POGZ: variants seen among roughly 807,000 people sequenced by gnomAD.
POGZ encodes the protein pogo transposable element with ZNF domain.
In POGZ, 17 loss-of-function variants were observed where a neutral mutation model predicts 134.6. The observed-to-expected ratio is 0.13, with a 90% CI of 0.09 to 0.19. The LOEUF is 0.19. Ranked by LOEUF, POGZ falls within the 10% of genes least tolerant of loss-of-function variation. The probability of loss-of-function intolerance (pLI) is 1.00; values close to 1 mark genes in which losing one functional copy is unlikely to be tolerated. For missense variants in POGZ, 1,306 were observed against 1,769.7 expected (o/e 0.74, Z 4.70); for synonymous variants, 693 against 657.1 (o/e 1.05, Z -0.84).
At chr1:151,440,806 T>C (rs547088691) in intron 3 of POGZ, 122 bp downstream of exon 3, 1 of 743,240 alleles carries the variant, frequency 1.3e-6, no homozygotes, top group African/African-American at 1.7e-5. Context: ...ATTACTAAAT[T>C]CATTTTCCAA....
chr1:151,418,019 C>G (rs1000468386), intron 10 of POGZ, among the ~76,000 whole-genome samples: 2 of 151,870 alleles, frequency 1.3e-5, no homozygotes, highest in Non-Finnish European at 2.9e-5. Flanking sequence ...TTGAGACCAG[C>G]CTGACCAACA....
intron 12 of POGZ, 49 bp downstream of exon 12, chr1:151,411,576 T>TTA: frequency 3.6e-6 from 4 of 1,118,588 alleles, no homozygotes; most frequent in Non-Finnish European, 5.0e-6. Context: ...CATCCATGTT[T>TTA]AAAAAAAAAA....
In POGZ at chr1:151,406,185, T is replaced by C; in HGVS notation, c.2850A>G (p.Pro950=). The change falls in exon 19 of 19, where the codon CCA becomes CCG. Residue 950 remains proline (P), a synonymous_variant. Transcript: ENST00000271715. Reference sequence around the variant, plus strand: ...ATGCTAGCTCAGGTTCTTGGGTGACTGGGCTCCCTTCATCCTGATCATCAA... The same window carrying C: ...ATGCTAGCTCAGGTTCTTGGGTGACCGGGCTCCCTTCATCCTGATCATCAA... ...LNVDDQDEGS[P]VTQEPELASG... The C allele has an allele frequency of 6.2e-7, 1 of 1,614,156 alleles. No individual in the cohort carries two copies. Among genetic ancestry groups the C allele is most frequent in the Non-Finnish European group, 8.5e-7 (1 of 1,180,010 alleles).
In POGZ at chr1:151,424,244, A is replaced by G. The variant is rs769942651; in HGVS notation, c.1228T>C (p.Ser410Pro). The G allele has an allele frequency of 2.7e-5, 44 of 1,608,942 alleles. No homozygotes were observed. The South Asian group carries it at 4.4e-4, about 16-fold the overall frequency. ...EMVEYQKKGK[S>P]LDSEPSVPSA... ...GGGACACTGGGTTCTGAATCCAGGGACTTTCCTTTCTTCTGGTATTCAACC... is the reference window on the plus strand; with the variant it reads ...GGGACACTGGGTTCTGAATCCAGGGGCTTTCCTTTCTTCTGGTATTCAACC... Residue 410 changes from serine (S) to proline (P), a missense_variant, in exon 9 of 19, where the codon TCC becomes CCC. Ser to Pro is a moderately conservative substitution (Grantham distance 74). This residue lies in a region of POGZ where 541 missense variants were observed against 680.5 expected (regional missense o/e 0.80). Coordinates refer to ENST00000271715, the MANE Select transcript of POGZ (RefSeq NM_015100.4).
chr1:151,403,139 G>A lies in POGZ; in HGVS notation c.*1663C>T. The A allele has an allele frequency of 2.4e-6, 2 of 831,044 alleles. No individual in the cohort carries two copies. The highest frequency in any genetic ancestry group is 5.5e-5 in the South Asian group (1 of 18,150). 51.5% of individuals were successfully genotyped at this position (831,044 alleles called of 1,614,324 possible). ...TTTTCAGATGTCAAAGGTTCACAAA[G>A]CTGGCCAAGCTGTTTCTGGAAGGGA... is the stretch of plus-strand genomic sequence containing the variant. On this transcript the variant is annotated 3_prime_UTR_variant, in exon 19 of 19. Coordinates refer to ENST00000271715, the MANE Select transcript of POGZ (RefSeq NM_015100.4).
At position 151,427,945 on chromosome 1, in the gene POGZ, T is replaced by G; in HGVS notation, c.956A>C (p.Lys319Thr). The change falls in exon 7 of 19, where the codon AAA becomes ACA. Residue 319 changes from lysine to threonine, a missense_variant. Physicochemically the swap from Lys to Thr is moderately conservative, Grantham distance 78. Coordinates refer to ENST00000271715, the MANE Select transcript of POGZ (RefSeq NM_015100.4). Reference sequence around the variant, plus strand: ...GATGGTGTTAAGGGTATTCACCAATTTGGCCACTTCATTGCTATTTTCGCC... The same window carrying G: ...GATGGTGTTAAGGGTATTCACCAATGTGGCCACTTCATTGCTATTTTCGCC... ...VTGENSNEVA[K>T]LVNTLNTIPS... 6.2e-7 allele frequency: 1 copy of G among 1,614,128 alleles called. No individual in the cohort carries two copies. The highest frequency in any genetic ancestry group is 1.1e-5 in the South Asian group (1 of 91,076).
intron 2 of POGZ, 70 bp downstream of exon 2, chr1:151,442,011 A>T: frequency 8.5e-7 from 1 of 1,179,788 alleles, no homozygotes; most frequent in South Asian, 1.4e-5. Context: ...TCCATCTCAC[A>T]CTTTGTTAAC....
chr1:151,436,333 C>A (rs559013373), intron 3 of POGZ, among the ~76,000 whole-genome samples: 5 of 152,272 alleles, frequency 3.3e-5, no homozygotes, highest in African/African-American at 1.2e-4. Flanking sequence ...CTTTTCTCTT[C>A]CCAGCCCCTG....
chr1:151,454,261 C>T (rs72996084), intron 1 of POGZ, among the ~76,000 whole-genome samples: 2,517 of 152,258 alleles, frequency 0.017, 85 homozygotes, highest in African/African-American at 0.058. Flanking sequence ...GAAAAATAAA[C>T]AATGATAATC....
intron 1 of POGZ, among the ~76,000 whole-genome samples, chr1:151,455,683 G>A (rs890557988): frequency 3.9e-5 from 6 of 152,088 alleles, no homozygotes; most frequent in African/African-American, 1.2e-4. Context: ...GAAAAGTAAC[G>A]TTGTTTTGCA....
At chr1:151,436,318 C>T (rs545638967) in intron 3 of POGZ, among the ~76,000 whole-genome samples, 137 of 152,244 alleles carry the variant, frequency 9.0e-4, no homozygotes, top group African/African-American at 3.1e-3. Flanking sequence ...CAATTATTCC[C>T]CATTCTTTTC....
At chr1:151,457,108 C>G (rs868327200) in intron 1 of POGZ, among the ~76,000 whole-genome samples, 8 of 152,198 alleles carry the variant, frequency 5.3e-5, no homozygotes, top group South Asian at 4.1e-4. Context: ...CATGGGTCAT[C>G]TGTCCACACT....
intron 3 of POGZ, among the ~76,000 whole-genome samples, chr1:151,440,044 T>C (rs973432138): frequency 2.6e-5 from 4 of 152,134 alleles, no homozygotes; most frequent in African/African-American, 9.7e-5. Context: ...GTACAACTTG[T>C]ATAATCTTTT....
In POGZ at chr1:151,405,259, G is replaced by T. The variant is rs1557863519; in HGVS notation, c.3776C>A (p.Ser1259Tyr). 1 of 1,614,144 alleles carries T rather than the reference G, an allele frequency of 6.2e-7. No individual in the cohort carries two copies. The highest frequency in any genetic ancestry group is 8.5e-7 in the Non-Finnish European group (1 of 1,180,016). The change falls in exon 19 of 19, where the codon TCC becomes TAC. Residue 1259 changes from serine to tyrosine, a missense_variant. Physicochemically the swap from Ser to Tyr is moderately radical, Grantham distance 144 (BLOSUM62 -2). This residue lies in a region of POGZ where 67 missense variants were observed against 105.8 expected (regional missense o/e 0.63). Transcript: ENST00000271715. The surrounding 1 kb of genome is among the most constrained non-coding windows in gnomAD (Gnocchi z 4.9). The part of the protein sequence containing the change: ...LPAVVPAGCS[S>Y]KIQPLDVCIK... Reference sequence around the variant, plus strand: ...GCATACATCTAATGGCTGAATTTTGGAGCTACAGCCTGCTGGGACCACTGC... The same window carrying T: ...GCATACATCTAATGGCTGAATTTTGTAGCTACAGCCTGCTGGGACCACTGC...
intron 1 of POGZ, among the ~76,000 whole-genome samples, chr1:151,450,594 C>CAGA (rs1341977366): frequency 5.3e-5 from 8 of 152,138 alleles, no homozygotes; most frequent in Non-Finnish European, 1.2e-4. Context: ...CTCAAGTGAT[C>CAGA]TGCTTGCCTT....
At chr1:151,450,878 GT>G (rs1433968486) in intron 1 of POGZ, 1 of 151,476 alleles carries the variant, frequency 6.6e-6, no homozygotes, top group Non-Finnish European at 1.5e-5. Flanking sequence ...AAAGCCAAAG[GT>G]TATGATTGTA....
intron 3 of POGZ, among the ~76,000 whole-genome samples, chr1:151,436,835 G>A (rs1050755723): frequency 2.0e-5 from 3 of 152,226 alleles, no homozygotes; most frequent in African/African-American, 4.8e-5. Flanking sequence ...GTGAACATAC[G>A]TTTTCCATTC....
chr1:151,456,338 C>T (rs1301081798), intron 1 of POGZ, among the ~76,000 whole-genome samples: 1 of 152,132 alleles, frequency 6.6e-6, no homozygotes, highest in Admixed American at 6.6e-5. Flanking sequence ...CAGCTGTCAA[C>T]TTTTTAAAAA....
chr1:151,407,986 T>G (rs1345049974), intron 15 of POGZ, 114 bp downstream of exon 15: 2 of 787,546 alleles, frequency 2.5e-6, no homozygotes, highest in East Asian at 2.7e-5. Context: ...CACTCCAGCC[T>G]AGGGGACAGA....
Sources: allele counts gnomAD v4.1 joint callset (sites outside exome capture counted in the v4.1 genomes callset), GRCh38; gene constraint gnomAD v4.1.1; regional missense constraint gnomAD v4.1.1; non-coding constraint Gnocchi (gnomAD v3.1); transcripts MANE v1.5; gene names NCBI Gene and HGNC (gene_info 2026-07-23, HGNC 2026-07-21).